SDK1: variants seen among roughly 807,000 people sequenced by gnomAD.
SDK1 encodes sidekick cell adhesion molecule 1, also known as protein sidekick-1.
Under a neutral mutation model 245.5 loss-of-function variants are expected in SDK1, and 157 were observed. The observed-to-expected ratio is 0.64, with a 90% confidence interval of 0.56 to 0.73. SDK1 has a LOEUF of 0.73. SDK1 is among the 30% of genes least tolerant of loss of function. The probability of loss-of-function intolerance (pLI) is 0.00; values close to 1 mark genes in which losing one functional copy is unlikely to be tolerated. For synonymous variants in SDK1, 1,647 were observed against 1,278.5 expected (o/e 1.29, Z -6.15); for missense variants, 3,583 against 3,002.3 (o/e 1.19, Z -4.52).
At chr7:3,880,777 C>G (rs1781189891) in intron 5 of SDK1, among the ~76,000 whole-genome samples, 1 of 152,126 alleles carries the variant, frequency 6.6e-6, no homozygotes, top group Non-Finnish European at 1.5e-5. Flanking sequence ...GTTCCCGGGC[C>G]TCCAGAGGCT....
At position 3,480,345 on chromosome 7, in the gene SDK1, G is replaced by A. The variant is rs770596081; in HGVS notation, c.299-138735G>A. Among the ~76,000 whole-genome samples the A allele has an allele frequency of 6.6e-5, 10 of 152,268 alleles. No individual in the cohort carries two copies. The East Asian group carries it at 7.7e-4, about 12-fold the overall frequency. ...GCGAGGCCATGAAGAAGGCGCCCTC[G>A]TGCACATATGCTCATGTAGGAACTA... On this transcript the variant is annotated intron_variant, in intron 1 of 44. Transcript: ENST00000404826.
chr7:3,622,375 G>A (rs1266119197), intron 2 of SDK1, among the ~76,000 whole-genome samples: 1 of 152,114 alleles, frequency 6.6e-6, no homozygotes. Context: ...CAGCTACTTG[G>A]GAGGCTGAGG....
At chr7:4,066,122 C>G (rs938904211) in intron 19 of SDK1, among the ~76,000 whole-genome samples, 1 of 152,162 alleles carries the variant, frequency 6.6e-6, no homozygotes. Flanking sequence ...GATGTCTCGT[C>G]TCTTCTCCAT....
intron 1 of SDK1, among the ~76,000 whole-genome samples, chr7:3,451,651 T>C (rs1479153956): frequency 2.6e-5 from 4 of 152,192 alleles, no homozygotes; most frequent in Non-Finnish European, 5.9e-5. Context: ...ACTGAGTGAT[T>C]TACTGAAATT....
intron 4 of SDK1, among the ~76,000 whole-genome samples, chr7:3,704,317 C>T (rs540748038): frequency 1.3e-4 from 20 of 149,364 alleles, no homozygotes; most frequent in South Asian, 1.1e-3. Context: ...TCTTTATCCA[C>T]GCATTGTTCG....
chr7:3,780,518 C>G (rs1275205213), intron 4 of SDK1, among the ~76,000 whole-genome samples: 1 of 152,216 alleles, frequency 6.6e-6, no homozygotes. Context: ...TAAAGCTAAG[C>G]TGGTTGCCTT....
chr7:4,217,392 C>A (rs1159546678), intron 38 of SDK1, among the ~76,000 whole-genome samples: 1 of 143,460 alleles, frequency 7.0e-6, no homozygotes, highest in African/African-American at 2.7e-5. Context: ...CCCGGAGCAC[C>A]ACACCACCCG....
intron 4 of SDK1, among the ~76,000 whole-genome samples, chr7:3,657,636 T>G (rs1783229712): frequency 6.6e-6 from 1 of 151,538 alleles, no homozygotes; most frequent in African/African-American, 2.5e-5. Context: ...TCAAGCCATC[T>G]GTTTGGCCTC....
intron 1 of SDK1, among the ~76,000 whole-genome samples, chr7:3,567,385 C>G (rs1031610213): frequency 5.3e-5 from 8 of 152,110 alleles, no homozygotes; most frequent in African/African-American, 1.4e-4. Context: ...GGAATTATTC[C>G]TAGAAGCCGA....
At chr7:3,790,679 G>T (rs1324026508) in intron 4 of SDK1, among the ~76,000 whole-genome samples, 1 of 152,150 alleles carries the variant, frequency 6.6e-6, no homozygotes, top group Non-Finnish European at 1.5e-5. Flanking sequence ...GGTGACGCAT[G>T]CCTGTGATCC....
intron 1 of SDK1, among the ~76,000 whole-genome samples, chr7:3,543,860 C>G (rs1331782648): frequency 6.6e-6 from 1 of 152,136 alleles, no homozygotes; most frequent in Non-Finnish European, 1.5e-5. Flanking sequence ...TCAGAAGACC[C>G]ATTTATTGGT....
intron 44 of SDK1, among the ~76,000 whole-genome samples, chr7:4,248,472 C>T (rs1787059295): frequency 6.6e-6 from 1 of 151,532 alleles, no homozygotes; most frequent in Non-Finnish European, 1.5e-5. Flanking sequence ...TACACACGTG[C>T]TTACCTAAAT....
intron 38 of SDK1, among the ~76,000 whole-genome samples, chr7:4,210,886 A>T (rs987627404): frequency 1.2e-4 from 18 of 152,304 alleles, no homozygotes; most frequent in African/African-American, 4.3e-4. Context: ...GAGGGCTAAC[A>T]CAAGAGGCTT....
At chr7:4,212,910 TG>T (rs1784580256) in intron 38 of SDK1, among the ~76,000 whole-genome samples, 1 of 152,204 alleles carries the variant, frequency 6.6e-6, no homozygotes, top group African/African-American at 2.4e-5. Context: ...TCTGTGTTAA[TG>T]GATTTGCAGA....
intron 4 of SDK1, among the ~76,000 whole-genome samples, chr7:3,750,401 ATAAG>A (rs1258427841): frequency 2.0e-5 from 3 of 152,232 alleles, no homozygotes; most frequent in East Asian, 3.8e-4. Flanking sequence ...ACTGCCTTCT[ATAAG>A]TAATGTTAGA....
intron 35 of SDK1, among the ~76,000 whole-genome samples, chr7:4,180,092 G>A (rs887337714): frequency 4.6e-5 from 7 of 152,108 alleles, no homozygotes; most frequent in Non-Finnish European, 1.0e-4. Context: ...GGGGTGGTGC[G>A]GGAAACTGGG....
chr7:3,895,372 A>G (rs116508550), intron 5 of SDK1, among the ~76,000 whole-genome samples: 34 of 152,340 alleles, frequency 2.2e-4, no homozygotes, highest in African/African-American at 7.9e-4. Flanking sequence ...CCAGCCAGAC[A>G]TCCATGTATC....
chr7:4,106,988 A>G (rs1782966404), intron 22 of SDK1, among the ~76,000 whole-genome samples: 1 of 151,824 alleles, frequency 6.6e-6, no homozygotes, highest in South Asian at 2.1e-4. Context: ...GACAGACTGA[A>G]TCCATACATG....
intron 31 of SDK1, among the ~76,000 whole-genome samples, chr7:4,161,077 A>G (rs745578882): frequency 6.6e-6 from 1 of 152,112 alleles, no homozygotes; most frequent in Non-Finnish European, 1.5e-5. Context: ...ATAAGAGTTC[A>G]GCTCAATATG....
Sources: gnomAD v4.1 joint callset for allele counts (sites outside exome capture counted in the v4.1 genomes callset) on GRCh38, gnomAD v4.1.1 for gene constraint, MANE v1.5 for transcripts, NCBI Gene and HGNC (gene_info 2026-07-23, HGNC 2026-07-21) for gene names.